The following NRXN3 variants were observed in gnomAD, a reference collection of about 807,000 sequenced individuals.
NRXN3 encodes neurexin III.
Under a neutral mutation model 137.6 loss-of-function variants are expected in NRXN3, and 32 were observed. The ratio of observed to expected loss-of-function variants is 0.23; its 90% CI spans 0.18 to 0.31. The LOEUF is 0.31. NRXN3 is among the 10% of genes least tolerant of loss of function. The probability of loss-of-function intolerance (pLI) is 1.00; values close to 1 mark genes in which losing one functional copy is unlikely to be tolerated. For synonymous variants in NRXN3, 798 were observed against 784.5 expected (o/e 1.02, Z -0.29); for missense variants, 1,574 against 2,062.5 (o/e 0.76, Z 4.59).
intron 4 of NRXN3, among the ~76,000 whole-genome samples, chr14:78,340,035 GC>G (rs2081978605): frequency 6.6e-6 from 1 of 152,176 alleles, no homozygotes; most frequent in African/African-American, 2.4e-5. Context: ...TGAGAAGATA[GC>G]AAAAAAGAAA....
At chr14:79,224,760 G>A (rs373149535) in intron 15 of NRXN3, among the ~76,000 whole-genome samples, 9 of 152,102 alleles carry the variant, frequency 5.9e-5, no homozygotes, top group African/African-American at 2.2e-4. Flanking sequence ...AGAACATTGT[G>A]TGCAGACACA....
chr14:78,194,648 G>A (rs762697879), intron 1 of NRXN3, among the ~76,000 whole-genome samples: 6 of 152,172 alleles, frequency 3.9e-5, no homozygotes, highest in African/African-American at 1.4e-4. Flanking sequence ...CCTATGCTGC[G>A]GGTGGGTTAG....
chr14:79,581,911 C>A (rs2097720150), intron 16 of NRXN3, among the ~76,000 whole-genome samples: 1 of 152,158 alleles, frequency 6.6e-6, no homozygotes, highest in Non-Finnish European at 1.5e-5. Context: ...CAAAGCACCC[C>A]TCTCAGGAAG....
At chr14:79,185,206 C>T (rs2063382967) in intron 15 of NRXN3, among the ~76,000 whole-genome samples, 1 of 152,026 alleles carries the variant, frequency 6.6e-6, no homozygotes, top group African/African-American at 2.4e-5. Flanking sequence ...CACTAATACC[C>T]AGGAAATTTT....
At chr14:79,111,509 C>T (rs1420049207) in intron 15 of NRXN3, among the ~76,000 whole-genome samples, 9 of 152,164 alleles carry the variant, frequency 5.9e-5, no homozygotes, top group East Asian at 1.9e-4. Flanking sequence ...GAGGCCGAGG[C>T]GGGCAGATCA....
intron 15 of NRXN3, among the ~76,000 whole-genome samples, chr14:79,240,694 A>G (rs2074131952): frequency 6.6e-6 from 1 of 151,980 alleles, no homozygotes; most frequent in South Asian, 2.1e-4. Context: ...CCCTACATCA[A>G]TCTCATAAAA....
intron 15 of NRXN3, among the ~76,000 whole-genome samples, chr14:79,007,037 G>T (rs1233602270): frequency 6.6e-6 from 1 of 152,020 alleles, no homozygotes; most frequent in Admixed American, 6.6e-5. Context: ...TTTTTAAAAG[G>T]ACATGTTCTG....
chr14:78,853,786 C>T (rs1458650162), intron 10 of NRXN3, among the ~76,000 whole-genome samples: 2 of 152,184 alleles, frequency 1.3e-5, no homozygotes, highest in Non-Finnish European at 2.9e-5. Flanking sequence ...ACTGCCCTGA[C>T]TTCTACCCTT....
In NRXN3 at chr14:78,586,626, A is replaced by G. The variant is rs1416581230; in HGVS notation, c.758-58494A>G. Among the ~76,000 whole-genome samples, 16 of 152,228 alleles carry G rather than the reference A, an allele frequency of 1.1e-4. No homozygotes were observed. The East Asian group carries it at 3.1e-3, about 29-fold the overall frequency. On this transcript the variant is annotated intron_variant, in intron 4 of 20. Transcript: ENST00000335750. ...ATCAGGATGTTTGAGGATTAGCCCC[A>G]CCGCCTGATCAGGTAAGCCTATGAT...
chr14:78,982,443 A>G (rs916015437), intron 14 of NRXN3, among the ~76,000 whole-genome samples: 46 of 152,126 alleles, frequency 3.0e-4, no homozygotes, highest in Non-Finnish European at 5.9e-5. Flanking sequence ...CAAAAAACGG[A>G]TGCACTGACC....
At chr14:78,766,935 C>T (rs1432698883) in intron 8 of NRXN3, among the ~76,000 whole-genome samples, 2 of 152,210 alleles carry the variant, frequency 1.3e-5, no homozygotes, top group Admixed American at 1.3e-4. Flanking sequence ...GTCCTCAACA[C>T]TCAGATTGCA....
chr14:78,571,966 A>T (rs1600667333), intron 4 of NRXN3, among the ~76,000 whole-genome samples: 1 of 151,394 alleles, frequency 6.6e-6, no homozygotes, highest in Non-Finnish European at 1.5e-5. Flanking sequence ...CCATATACTC[A>T]CTCCTTGTGG....
intron 8 of NRXN3, among the ~76,000 whole-genome samples, chr14:78,757,180 G>A (rs1056357995): frequency 2.6e-5 from 4 of 152,030 alleles, no homozygotes; most frequent in Non-Finnish European, 5.9e-5. Flanking sequence ...GGCCGAGGGG[G>A]GCAGACTGCC....
In NRXN3 at chr14:78,926,852, T is replaced by A. The variant is rs868055883; in HGVS notation, c.2276-30390T>A. Among the ~76,000 whole-genome samples, 13 of 23,948 alleles carry A rather than the reference T, an allele frequency of 5.4e-4. 1 individual carries two copies. The highest frequency in any genetic ancestry group is 1.0e-3 in the South Asian group (1 of 976). 15.7% of individuals were successfully genotyped at this position (23,948 alleles called of 152,430 possible). On this transcript the variant is annotated intron_variant, in intron 10 of 20. Coordinates refer to ENST00000335750, the MANE Select transcript of NRXN3 (RefSeq NM_001330195.2). The stretch of plus-strand genomic sequence containing the variant: ...TAATTTATATAAATATATAATATAT[T>A]ATATATATAATATATATATAATATA...
At chr14:78,462,659 A>G (rs999575534) in intron 4 of NRXN3, among the ~76,000 whole-genome samples, 8 of 152,162 alleles carry the variant, frequency 5.3e-5, no homozygotes, top group African/African-American at 9.7e-5. Context: ...TTCTACTTTC[A>G]TTGTTACATA....
intron 4 of NRXN3, among the ~76,000 whole-genome samples, chr14:78,556,168 G>A (rs1485107878): frequency 6.6e-6 from 1 of 152,178 alleles, no homozygotes; most frequent in Non-Finnish European, 1.5e-5. Flanking sequence ...GTTTCCATTG[G>A]TTCTCCTTAT....
intron 19 of NRXN3, among the ~76,000 whole-genome samples, chr14:79,757,562 T>C (rs2099023985): frequency 6.6e-6 from 1 of 152,202 alleles, no homozygotes; most frequent in African/African-American, 2.4e-5. Context: ...AAAGCATATG[T>C]GTATGTTTGT....
chr14:78,993,206 T>C (rs2099522473), intron 15 of NRXN3, among the ~76,000 whole-genome samples: 1 of 152,162 alleles, frequency 6.6e-6, no homozygotes, highest in South Asian at 2.1e-4. Context: ...TGTGTGGGTT[T>C]ATTTATTTTT....
intron 4 of NRXN3, among the ~76,000 whole-genome samples, chr14:78,569,530 G>GTCCAGAACTC (rs1335680136): frequency 1.3e-5 from 2 of 151,786 alleles, no homozygotes; most frequent in Admixed American, 1.3e-4. Context: ...CTCCCAAAGT[G>GTCCAGAACTC]CTGGGATTAC....
Sources: allele counts gnomAD v4.1 joint callset (sites outside exome capture counted in the v4.1 genomes callset), GRCh38; gene constraint gnomAD v4.1.1; transcripts MANE v1.5; gene names NCBI Gene and HGNC (gene_info 2026-07-23, HGNC 2026-07-21).